Variants in CIT observed in about 807,000 individuals in gnomAD.
The protein encoded by CIT is citron rho-interacting serine/threonine kinase, also known as citron Rho-interacting kinase.
Under a neutral mutation model 272.7 loss-of-function variants are expected in CIT, and 79 were observed. That is an observed-to-expected ratio of 0.29 (90% confidence interval 0.24 to 0.35). The LOEUF is 0.35. Ranked by LOEUF, CIT falls within the 10% of genes least tolerant of loss-of-function variation. CIT has a pLI of 1.00. For missense variants in CIT, 1,909 were observed against 2,618.3 expected (o/e 0.73, Z 5.91); for synonymous variants, 948 against 995.6 (o/e 0.95, Z 0.90).
intron 10 of CIT, among the ~76,000 whole-genome samples, chr12:119,791,814 A>C (rs1965334523): frequency 1.3e-5 from 2 of 152,260 alleles, no homozygotes; most frequent in Admixed American, 1.3e-4. Flanking sequence ...TAATTATAGA[A>C]GCCCAAAGAG....
At chr12:119,862,348 C>T (rs1041635694) in intron 3 of CIT, among the ~76,000 whole-genome samples, 2 of 152,112 alleles carry the variant, frequency 1.3e-5, no homozygotes, top group African/African-American at 4.8e-5. Context: ...GGCACACACA[C>T]ACACAAACAA....
At chr12:119,723,500 C>A (rs1957915046) in intron 28 of CIT, among the ~76,000 whole-genome samples, 1 of 151,400 alleles carries the variant, frequency 6.6e-6, no homozygotes, top group South Asian at 2.1e-4. Context: ...GAGGTATATT[C>A]ATGGGCCAGT....
chr12:119,785,160 T>A, intron 10 of CIT, 95 bp from the exon 11 acceptor site: 1 of 1,326,552 alleles, frequency 7.5e-7, no homozygotes, highest in Non-Finnish European at 1.0e-6. Flanking sequence ...TACAAAAACA[T>A]CTCATGCTCT....
intron 10 of CIT, among the ~76,000 whole-genome samples, chr12:119,800,367 T>C (rs971964042): frequency 2.6e-5 from 4 of 152,186 alleles, no homozygotes; most frequent in African/African-American, 9.6e-5. Flanking sequence ...GCCTCAGCCA[T>C]TGAAACGCTG....
intron 5 of CIT, among the ~76,000 whole-genome samples, chr12:119,839,717 A>G (rs1188808881): frequency 6.6e-6 from 1 of 152,184 alleles, no homozygotes; most frequent in Admixed American, 6.5e-5. Flanking sequence ...AGAAACAGAC[A>G]GGACACGCAA....
At chr12:119,730,390 A>G (rs1374323319) in intron 27 of CIT, 105 bp downstream of exon 27, 1 of 1,277,380 alleles carries the variant, frequency 7.8e-7, no homozygotes, top group African/African-American at 1.5e-5. Flanking sequence ...ACATATGTTT[A>G]TGAAATATGT....
chr12:119,789,827 T>C (rs540259711), intron 10 of CIT, among the ~76,000 whole-genome samples: 1 of 151,602 alleles, frequency 6.6e-6, no homozygotes, highest in Admixed American at 6.6e-5. Context: ...CTGACTCAGC[T>C]CCCGAGTAGC....
At position 119,770,219 on chromosome 12, in the gene CIT, C is replaced by A. The variant is rs1234707225; in HGVS notation, c.2208+566G>T. ...GCCTGAGACAGAATCAGGATGACTA[C>A]AGACCCTAAAAAAAGACCTGCTATA... On this transcript the variant is annotated intron_variant, in intron 18 of 47. Transcript: ENST00000392521. This position sits in a 1 kb window ranked among gnomAD's most constrained non-coding sequence, Gnocchi z 4.4. Among the ~76,000 whole-genome samples the A allele has an allele frequency of 6.6e-6, 1 of 152,002 alleles. No homozygotes were observed. The highest frequency in any genetic ancestry group is 1.5e-5 in the Non-Finnish European group (1 of 67,980).
intron 5 of CIT, among the ~76,000 whole-genome samples, chr12:119,848,978 C>G (rs1409496974): frequency 6.6e-6 from 1 of 152,106 alleles, no homozygotes; most frequent in Non-Finnish European, 1.5e-5. Context: ...CCACTGAACT[C>G]CAGCCTGGGT....
rs993184683 is a variant in CIT at position 119,718,742 on chromosome 12, G to A, written c.3960C>T (p.Ala1320=). 5.6e-6 allele frequency: 9 copies of A among 1,614,064 alleles called. No homozygotes were observed. Among genetic ancestry groups the A allele is most frequent in the Non-Finnish European group, 7.6e-6 (9 of 1,180,032 alleles). Residue 1320 remains alanine, a synonymous_variant, in exon 31 of 48, where the codon GCC becomes GCT. Coordinates refer to ENST00000392521, the MANE Select transcript of CIT (RefSeq NM_001206999.2). The surrounding 1 kb of genome is among the most constrained non-coding windows in gnomAD (Gnocchi z 4.8). ...GGAGCTCGATGCGGGTCTTCTGAAG[G>A]GCTTCCTCTAGCTCTGCACAGCGAG... ...EKARCAELEE[A]LQKTRIELRS...
At chr12:119,733,200 A>C (rs1388714910) in intron 26 of CIT, among the ~76,000 whole-genome samples, 1 of 151,698 alleles carries the variant, frequency 6.6e-6, no homozygotes, top group African/African-American at 2.4e-5. Flanking sequence ...TACTGCCTGA[A>C]CTGATTATTA....
In CIT at chr12:119,813,294, G is replaced by A. The variant is rs192247441; in HGVS notation, c.1111+9526C>T. ...CTGTAGTTGAATGTTCCATCACCACGGATGAACAGAGTTGGCTATATTTAT... is the reference window on the plus strand; with the variant it reads ...CTGTAGTTGAATGTTCCATCACCACAGATGAACAGAGTTGGCTATATTTAT... On this transcript the variant is annotated intron_variant, in intron 9 of 47. Coordinates refer to ENST00000392521, the MANE Select transcript of CIT (RefSeq NM_001206999.2). Among the ~76,000 whole-genome samples the A allele has an allele frequency of 3.3e-5, 5 of 152,306 alleles. 1 individual carries two copies. The highest frequency in any genetic ancestry group is 7.2e-5 in the African/African-American group (3 of 41,572).
intron 2 of CIT, among the ~76,000 whole-genome samples, chr12:119,872,572 C>A (rs551844272): frequency 6.6e-6 from 1 of 152,156 alleles, no homozygotes; most frequent in Non-Finnish European, 1.5e-5. Flanking sequence ...AAGAGATGAA[C>A]TGAGGGTTTA....
chr12:119,745,342 A>G (rs1044937444), intron 23 of CIT, among the ~76,000 whole-genome samples: 2 of 146,464 alleles, frequency 1.4e-5, no homozygotes, highest in African/African-American at 5.1e-5. Context: ...CAATATCTTC[A>G]AAGTGCTGAA....
chr12:119,809,936 G>T (rs1761512647), intron 9 of CIT, among the ~76,000 whole-genome samples: 1 of 152,228 alleles, frequency 6.6e-6, no homozygotes. Flanking sequence ...GGAGGTTCCT[G>T]GAGGGCGACC....
intron 6 of CIT, among the ~76,000 whole-genome samples, chr12:119,833,296 T>A (rs3847960): frequency 0.61 from 92,121 of 151,976 alleles, 28,618 homozygotes; most frequent in East Asian, 0.84. Flanking sequence ...GGACTAACAA[T>A]CATTGTATTC....
At position 119,686,122 on chromosome 12, in the gene CIT, ATTCAAT is replaced by A. The variant is rs2136873098; in HGVS notation, c.*2104_*2109del. The stretch of plus-strand genomic sequence containing the variant: ...TTTTACAATAAAAAAGTAGAAACCA[ATTCAAT>A]TTCCTCTTTTTTTTTTTACGAATAT... On this transcript the variant is annotated 3_prime_UTR_variant, in exon 48 of 48. Transcript: ENST00000392521. 6.6e-6 allele frequency: 1 copy of A among 152,420 alleles called. No homozygotes were observed. Among genetic ancestry groups the A allele is most frequent in the East Asian group, 1.9e-4 (1 of 5,178 alleles). The allele number at this position is 152,420 out of a possible 1,614,324, so 9.4% of individuals were successfully genotyped here.
At chr12:119,819,571 CAAGAA>C (rs931267059) in intron 9 of CIT, among the ~76,000 whole-genome samples, 15 of 152,112 alleles carry the variant, frequency 9.9e-5, no homozygotes, top group African/African-American at 1.7e-4. Context: ...TTGGTTACAA[CAAGAA>C]AAAGAAGAAT....
intron 19 of CIT, among the ~76,000 whole-genome samples, chr12:119,763,366 G>A (rs1420133591): frequency 6.6e-6 from 1 of 152,262 alleles, no homozygotes; most frequent in Non-Finnish European, 1.5e-5. Flanking sequence ...GACTACAGAT[G>A]TGTGCCACCT....
Sources: allele counts gnomAD v4.1 joint callset (sites outside exome capture counted in the v4.1 genomes callset), GRCh38; gene constraint gnomAD v4.1.1; non-coding constraint Gnocchi (gnomAD v3.1); transcripts MANE v1.5; gene names NCBI Gene and HGNC (gene_info 2026-07-23, HGNC 2026-07-21).